Variants in SUCNR1 observed in about 807,000 individuals in gnomAD.
SUCNR1 encodes the protein succinate receptor 1.
SUCNR1 carries 5 observed loss-of-function variants against 2.4 expected under a neutral mutation model. The ratio of observed to expected loss-of-function variants is 2.07; its 90% confidence interval spans 1.08 to 4.36. SUCNR1 has a LOEUF of 4.36. Ranked by LOEUF, SUCNR1 falls within the 30% of genes most tolerant of loss-of-function variation. SUCNR1 has a pLI of 0.00. For missense variants in SUCNR1, 373 were observed against 399.2 expected (o/e 0.93, Z 0.56); for synonymous variants, 162 against 143.9 (o/e 1.13, Z -0.90).
chr3:151,880,400 T>TATA (rs2108067262), intron 2 of SUCNR1, among the ~76,000 whole-genome samples, 159 bp from the exon 3 acceptor site: 1 of 151,534 alleles, frequency 6.6e-6, no homozygotes, highest in Admixed American at 6.5e-5. Context: ...AAATAATACA[T>TATA]TAATGACATA....
intron 1 of SUCNR1, among the ~76,000 whole-genome samples, chr3:151,874,140 A>ATT (rs1717838372): frequency 1.6e-5 from 1 of 62,220 alleles, no homozygotes; most frequent in African/African-American, 6.5e-5. Flanking sequence ...ATATATATAT[A>ATT]TATATATTTT....
chr3:151,878,101 G>A (rs1194537915), intron 1 of SUCNR1, among the ~76,000 whole-genome samples: 2 of 152,144 alleles, frequency 1.3e-5, no homozygotes, highest in African/African-American at 4.8e-5. Context: ...ATTGGAATGA[G>A]CAATGTGGAG....
intron 1 of SUCNR1, among the ~76,000 whole-genome samples, chr3:151,879,447 CT>C (rs1718019308): frequency 6.6e-6 from 1 of 152,118 alleles, no homozygotes; most frequent in Non-Finnish European, 1.5e-5. Context: ...GATTGGTACT[CT>C]TGTGAAAGAA....
intron 1 of SUCNR1, among the ~76,000 whole-genome samples, chr3:151,874,961 T>G (rs890034695): frequency 1.3e-5 from 2 of 152,050 alleles, no homozygotes; most frequent in African/African-American, 2.4e-5. Flanking sequence ...GCTAAGAAAC[T>G]ATCACATATA....
chr3:151,880,882 C>T lies in SUCNR1; in HGVS notation c.339C>T (p.Leu113=). The T allele has an allele frequency of 6.2e-7, 1 of 1,614,088 alleles. No individual in the cohort carries two copies. The highest frequency in any genetic ancestry group is 8.5e-7 in the Non-Finnish European group (1 of 1,179,988). The change falls in exon 3 of 3, where the codon CTC becomes CTT. Residue 113 remains leucine (L), a synonymous_variant. Transcript: ENST00000362032. ...ACCTCTATACCAGCATTCTCTTTCT[C>T]ACTTTTATCAGCATAGATCGATACT... ...HANLYTSILF[L]TFISIDRYLI... is the part of the protein sequence containing the mutation.
At chr3:151,877,427 G>A (rs546658302) in intron 1 of SUCNR1, among the ~76,000 whole-genome samples, 1 of 152,248 alleles carries the variant, frequency 6.6e-6, no homozygotes, top group East Asian at 1.9e-4. Flanking sequence ...GGCCAGAGAG[G>A]ATGTGAGGAG....
intron 1 of SUCNR1, among the ~76,000 whole-genome samples, chr3:151,879,328 G>C (rs1457159564): frequency 1.3e-5 from 2 of 152,154 alleles, no homozygotes; most frequent in African/African-American, 4.8e-5. Context: ...CAAATGCCAT[G>C]GTCTTAATAT....
At chr3:151,875,021 T>C (rs758845768) in intron 1 of SUCNR1, among the ~76,000 whole-genome samples, 11 of 152,082 alleles carry the variant, frequency 7.2e-5, no homozygotes, top group Non-Finnish European at 1.0e-4. Context: ...GCTGAATATA[T>C]TTAAAGTAAA....
intron 1 of SUCNR1, among the ~76,000 whole-genome samples, chr3:151,876,097 C>T (rs913111867): frequency 9.9e-5 from 15 of 152,178 alleles, no homozygotes; most frequent in African/African-American, 3.4e-4. Context: ...GTCAAGGAAA[C>T]TTTCTATACC....
rs1718136489 is a variant in SUCNR1 at position 151,882,645 on chromosome 3, T to G, written c.*1097T>G. 1 of 152,140 alleles carries G rather than the reference T, an allele frequency of 6.6e-6. No individual in the cohort carries two copies. The highest frequency in any genetic ancestry group is 1.5e-5 in the Non-Finnish European group (1 of 67,976). The allele number at this position is 152,140 out of a possible 1,614,324, so 9.4% of individuals were successfully genotyped here. On this transcript the variant is annotated 3_prime_UTR_variant, in exon 3 of 3. Transcript: ENST00000362032. ...AATCACATCTGGAGTGAGCCTTGTTTTCATGCAACATTACCATAAGACCAT... is the reference window on the plus strand; with the variant it reads ...AATCACATCTGGAGTGAGCCTTGTTGTCATGCAACATTACCATAAGACCAT...
Position 151,880,785 on chromosome 3 carries a change from G to A in SUCNR1, c.242G>A (p.Arg81Lys), listed in dbSNP as rs777108323. Residue 81 changes from arginine to lysine, a missense_variant, in exon 3 of 3, where the codon AGG becomes AAG. Arg to Lys is a conservative substitution (Grantham distance 26). Coordinates refer to ENST00000362032, the MANE Select transcript of SUCNR1 (RefSeq NM_033050.6). Reference protein sequence around the residue: ...AFLCTLPMLIRSYANGNWIYG... With the variant: ...AFLCTLPMLIKSYANGNWIYG... ...CTGTGCACCCTCCCCATGCTGATAA[G>A]GAGTTATGCCAATGGAAACTGGATA... 1 of 1,613,948 alleles carries A rather than the reference G, an allele frequency of 6.2e-7. No individual in the cohort carries two copies. Among genetic ancestry groups the A allele is most frequent in the African/African-American group, 1.3e-5 (1 of 74,890 alleles).
chr3:151,881,116 A>G lies in SUCNR1; in HGVS notation c.573A>G (p.Leu191=), dbSNP rs762657336. ...PNYNLIYSMC[L]TLLGFLIPLF... is the part of the protein sequence containing the mutation. ...ACAACCTCATTTACAGCATGTGTCT[A>G]ACACTGTTGGGGTTCCTTATTCCTC... The change falls in exon 3 of 3, where the codon CTA becomes CTG. Residue 191 remains leucine (L), a synonymous_variant. Transcript: ENST00000362032. 2.5e-6 allele frequency: 4 copies of G among 1,614,136 alleles called. No individual in the cohort carries two copies. Among genetic ancestry groups the G allele is most frequent in the South Asian group, 2.2e-5 (2 of 91,078 alleles).
At position 151,882,858 on chromosome 3, in the gene SUCNR1, C is replaced by G. The variant is rs1718142500; in HGVS notation, c.*1310C>G. 1 of 152,048 alleles carries G rather than the reference C, an allele frequency of 6.6e-6. No homozygotes were observed. Among genetic ancestry groups the G allele is most frequent in the Non-Finnish European group, 1.5e-5 (1 of 67,962 alleles). 9.4% of individuals were successfully genotyped at this position (152,048 alleles called of 1,614,324 possible). On this transcript the variant is annotated 3_prime_UTR_variant, in exon 3 of 3. Transcript: ENST00000362032. ...TCAAACAACTATCACATAATAATTCCTTGATATGCAACATAAAGTACCTAT... is the reference window on the plus strand; with the variant it reads ...TCAAACAACTATCACATAATAATTCGTTGATATGCAACATAAAGTACCTAT...
intron 1 of SUCNR1, among the ~76,000 whole-genome samples, chr3:151,877,799 TG>T (rs140723892): frequency 0.012 from 1,892 of 152,264 alleles, 46 homozygotes; most frequent in African/African-American, 0.043. Context: ...CAAGCTGGGC[TG>T]GAAATCTGGG....
chr3:151,882,698 C>T lies in SUCNR1; in HGVS notation c.*1150C>T, dbSNP rs1718138168. 6.6e-6 allele frequency: 1 copy of T among 152,036 alleles called. No individual in the cohort carries two copies. The highest frequency in any genetic ancestry group is 6.6e-5 in the Admixed American group (1 of 15,264). The allele number at this position is 152,036 out of a possible 1,614,324, so 9.4% of individuals were successfully genotyped here. On this transcript the variant is annotated 3_prime_UTR_variant, in exon 3 of 3. Transcript: ENST00000362032. ...GAGTAAATGTTTCAAACAAAATGTACTTCATGAAATTATAGAACATAAAAA... is the reference window on the plus strand; with the variant it reads ...GAGTAAATGTTTCAAACAAAATGTATTTCATGAAATTATAGAACATAAAAA...
At position 151,883,028 on chromosome 3, in the gene SUCNR1, T is replaced by C. The variant is rs571357543; in HGVS notation, c.*1480T>C. 6.6e-6 allele frequency: 1 copy of C among 152,236 alleles called. No individual in the cohort carries two copies. The highest frequency in any genetic ancestry group is 1.5e-5 in the Non-Finnish European group (1 of 67,952). The allele number at this position is 152,236 out of a possible 1,614,324, so 9.4% of individuals were successfully genotyped here. ...AAATACTCTGGGAGGTATTCTGATA[T>C]TTTTAAATCCCCCAATTTTCCCAGT... On this transcript the variant is annotated 3_prime_UTR_variant, in exon 3 of 3. Transcript: ENST00000362032.
At chr3:151,874,142 ATATATTTTTTTTTT>A (rs1480393219) in intron 1 of SUCNR1, among the ~76,000 whole-genome samples, 809 of 53,160 alleles carry the variant, frequency 0.015, 16 homozygotes, top group Middle Eastern at 0.022. Context: ...ATATATATAT[ATATATTTTTTTTTT>A]TTTTTTTTTT....
At position 151,879,919 on chromosome 3, in the gene SUCNR1, G is replaced by A. The variant is rs1718037484; in HGVS notation, c.15+12G>A. On this transcript the variant is annotated intron_variant, in intron 2 of 2. Transcript: ENST00000362032. Reference sequence around the variant, plus strand: ...TGCTGGGGATCATGGTATGTTTAGAGACACAAAAGTGAATTCAAAATCTTC... The same window carrying A: ...TGCTGGGGATCATGGTATGTTTAGAAACACAAAAGTGAATTCAAAATCTTC... 1 of 1,566,732 alleles carries A rather than the reference G, an allele frequency of 6.4e-7. No homozygotes were observed. The highest frequency in any genetic ancestry group is 1.8e-5 in the Admixed American group (1 of 54,656).
Position 151,882,742 on chromosome 3 carries a change from C to A in SUCNR1, c.*1194C>A, listed in dbSNP as rs933111439. The stretch of plus-strand genomic sequence containing the variant: ...ATAAAAATATTTATGTGCATATTAA[C>A]CTGTATTATCCCAGGAGGGTTAATG... On this transcript the variant is annotated 3_prime_UTR_variant, in exon 3 of 3. Transcript: ENST00000362032. 3.3e-5 allele frequency: 5 copies of A among 152,042 alleles called. No homozygotes were observed. Among genetic ancestry groups the A allele is most frequent in the Admixed American group, 2.6e-4 (4 of 15,260 alleles). 9.4% of individuals were successfully genotyped at this position (152,042 alleles called of 1,614,324 possible).
Sources: allele counts gnomAD v4.1 joint callset (sites outside exome capture counted in the v4.1 genomes callset), GRCh38; gene constraint gnomAD v4.1.1; transcripts MANE v1.5; gene names NCBI Gene and HGNC (gene_info 2026-07-23, HGNC 2026-07-21).